The following RALYL variants were observed in gnomAD, a reference collection of about 807,000 sequenced individuals.
RALYL encodes the protein RNA-binding Raly-like protein.
Under a neutral mutation model 35.1 loss-of-function variants are expected in RALYL, and 29 were observed. The ratio of observed to expected loss-of-function variants is 0.83; its 90% CI spans 0.61 to 1.13. The LOEUF (loss-of-function observed/expected upper bound fraction) is 1.13, where lower values mean the gene tolerates loss of function less well. Ranked by LOEUF, RALYL falls within the 50% of genes most tolerant of loss-of-function variation. The probability of loss-of-function intolerance (pLI) is 0.00; values close to 1 mark genes in which losing one functional copy is unlikely to be tolerated. For synonymous variants in RALYL, 120 were observed against 127.6 expected (o/e 0.94, Z 0.40); for missense variants, 359 against 360.4 (o/e 1.00, Z 0.03).
chr8:84,901,173 C>T (rs1587087933), intron 8 of RALYL, among the ~76,000 whole-genome samples: 2 of 152,156 alleles, frequency 1.3e-5, no homozygotes, highest in South Asian at 4.1e-4. Context: ...TTTATATCTC[C>T]AAGGGGCAGA....
At chr8:84,219,262 A>G (rs1728255932) in intron 1 of RALYL, among the ~76,000 whole-genome samples, 1 of 152,000 alleles carries the variant, frequency 6.6e-6, no homozygotes, top group South Asian at 2.1e-4. Flanking sequence ...GTGAGTTCTC[A>G]CAAGAACTGA....
At chr8:84,590,562 T>C (rs927566526) in intron 2 of RALYL, among the ~76,000 whole-genome samples, 1 of 152,162 alleles carries the variant, frequency 6.6e-6, no homozygotes, top group Admixed American at 6.6e-5. Context: ...ATATTGCACA[T>C]TTGAAGGACG....
chr8:84,859,582 G>T (rs1480533848), intron 5 of RALYL, among the ~76,000 whole-genome samples: 1 of 152,156 alleles, frequency 6.6e-6, no homozygotes, highest in Non-Finnish European at 1.5e-5. Context: ...AGGCTTGGTG[G>T]CTCATGCGTA....
intron 2 of RALYL, among the ~76,000 whole-genome samples, chr8:84,543,575 TTAA>T (rs1183442340): frequency 6.6e-6 from 1 of 152,092 alleles, no homozygotes; most frequent in Non-Finnish European, 1.5e-5. Flanking sequence ...TAAAATATTC[TTAA>T]TAATTTTATG....
intron 2 of RALYL, among the ~76,000 whole-genome samples, chr8:84,557,030 G>A (rs568148421): frequency 1.2e-4 from 19 of 152,162 alleles, no homozygotes; most frequent in Non-Finnish European, 2.4e-4. Context: ...CCGCAGATCT[G>A]AAAAGCTAAT....
chr8:84,555,426 GCAGGTAGTGGCATGCTACATAAATGTT>G (rs1177341390), intron 2 of RALYL, among the ~76,000 whole-genome samples: 9 of 152,096 alleles, frequency 5.9e-5, no homozygotes, highest in Non-Finnish European at 1.3e-4. Flanking sequence ...CTGATGACTG[GCAGGTAGTGGCATGCTACATAAATGTT>G]CATTCTTGGG....
At chr8:84,238,472 G>T (rs1232921627) in intron 1 of RALYL, among the ~76,000 whole-genome samples, 2 of 151,846 alleles carry the variant, frequency 1.3e-5, no homozygotes, top group East Asian at 3.9e-4. Context: ...CTAGGTGCAC[G>T]GTTAAATTAA....
chr8:84,576,961 T>C (rs943426954), intron 2 of RALYL, among the ~76,000 whole-genome samples: 2 of 152,346 alleles, frequency 1.3e-5, no homozygotes, highest in African/African-American at 4.8e-5. Flanking sequence ...TAGTTTACAG[T>C]GCCTATCTCT....
At chr8:84,703,894 A>G (rs138854995) in intron 2 of RALYL, among the ~76,000 whole-genome samples, 3 of 152,312 alleles carry the variant, frequency 2.0e-5, no homozygotes, top group African/African-American at 7.2e-5. Context: ...TTTAAAATAC[A>G]TCATTAGATC....
rs1554614840 is a variant in RALYL, at chr8:84,311,090, A to AAAAAAAAAAAAAAAAT, written c.-24+126667_-24+126668insAAAAAAAAAAAAAATA. Among the ~76,000 whole-genome samples the AAAAAAAAAAAAAAAAT allele has an allele frequency of 1.7e-4, 17 of 99,766 alleles. 2 individuals are homozygous for AAAAAAAAAAAAAAAAT. The highest frequency in any genetic ancestry group is 3.2e-4 in the African/African-American group (9 of 28,000). The allele number at this position is 99,766 out of a possible 152,430, so 65.5% of individuals were successfully genotyped here. On this transcript the variant is annotated intron_variant, in intron 1 of 8. Transcript: ENST00000521268. ...AAAAAAAAAAAAAAAAAAAAAAAAA[A>AAAAAAAAAAAAAAAAT]ATGTATATTAATGTATAGTATAAAT...
chr8:84,808,626 C>T (rs1391281231), intron 4 of RALYL, among the ~76,000 whole-genome samples: 3 of 152,180 alleles, frequency 2.0e-5, no homozygotes, highest in Middle Eastern at 3.4e-3. Flanking sequence ...TTGATTCTAC[C>T]CATCCATGAA....
chr8:84,722,514 C>G (rs974451522), intron 2 of RALYL, among the ~76,000 whole-genome samples: 3 of 150,298 alleles, frequency 2.0e-5, no homozygotes, highest in Non-Finnish European at 3.0e-5. Context: ...AAAGAAGGAC[C>G]TAGTCCCAAC....
chr8:84,734,325 A>G (rs1846821985), intron 2 of RALYL, among the ~76,000 whole-genome samples: 1 of 152,232 alleles, frequency 6.6e-6, no homozygotes, highest in Non-Finnish European at 1.5e-5. Context: ...TAATTAGCTT[A>G]AACAAAGACC....
At chr8:84,887,501 T>C (rs1843088183) in intron 7 of RALYL, 103 bp from the exon 8 acceptor site, 8 of 934,708 alleles carry the variant, frequency 8.6e-6, no homozygotes, top group Admixed American at 5.5e-5. Context: ...ACACCTTTAA[T>C]AGCATATAGC....
chr8:84,302,614 A>T (rs1841021895), intron 1 of RALYL, among the ~76,000 whole-genome samples: 2 of 152,274 alleles, frequency 1.3e-5, no homozygotes, highest in Non-Finnish European at 2.9e-5. Context: ...TCTTGATTTG[A>T]TCCTCAAGTC....
chr8:84,823,814 A>AT (rs1829038445), intron 4 of RALYL, among the ~76,000 whole-genome samples: 1 of 150,646 alleles, frequency 6.6e-6, no homozygotes, highest in Non-Finnish European at 1.5e-5. Context: ...GCTTCTCTAT[A>AT]TTTTTTCTTC....
rs555326221 is a variant in RALYL at position 84,247,276 on chromosome 8, C to A, written c.-24+62852C>A. Among the ~76,000 whole-genome samples, 9 of 152,224 alleles carry A rather than the reference C, an allele frequency of 5.9e-5. No homozygotes were observed. In the East Asian group the frequency reaches 1.5e-3, roughly 26 times the overall value. Reference sequence around the variant, plus strand: ...TTCAAGTATGTCAAATGTGCCCTAGCATTTATTGGACCATTAGGTTTTTCT... The same window carrying A: ...TTCAAGTATGTCAAATGTGCCCTAGAATTTATTGGACCATTAGGTTTTTCT... On this transcript the variant is annotated intron_variant, in intron 1 of 8. Transcript: ENST00000521268.
chr8:84,802,898 T>A (rs981028280), intron 3 of RALYL, among the ~76,000 whole-genome samples: 2 of 152,086 alleles, frequency 1.3e-5, no homozygotes, highest in African/African-American at 4.8e-5. Flanking sequence ...GGGAATGGAA[T>A]GCAGAGGGGG....
intron 2 of RALYL, among the ~76,000 whole-genome samples, chr8:84,656,026 G>A (rs1434026475): frequency 6.6e-6 from 1 of 152,128 alleles, no homozygotes; most frequent in Non-Finnish European, 1.5e-5. Context: ...TACTCGAAAT[G>A]AATTTCATAA....
Sources: gnomAD v4.1 joint callset for allele counts (sites outside exome capture counted in the v4.1 genomes callset) on GRCh38, gnomAD v4.1.1 for gene constraint, MANE v1.5 for transcripts, NCBI Gene and HGNC (gene_info 2026-07-23, HGNC 2026-07-21) for gene names.